The following NRDC variants were observed in gnomAD, a reference collection of about 807,000 sequenced individuals.
NRDC encodes nardilysin convertase.
A neutral mutation model predicts 147.1 loss-of-function variants in NRDC; 54 were observed. The ratio of observed to expected loss-of-function variants is 0.37; its 90% CI spans 0.29 to 0.46. The LOEUF (loss-of-function observed/expected upper bound fraction) is 0.46, where lower values mean the gene tolerates loss of function less well. Ranked by LOEUF, NRDC falls within the 20% of genes least tolerant of loss-of-function variation. The pLI is 1.00. For missense variants in NRDC, 1,082 were observed against 1,370.6 expected (o/e 0.79, Z 3.33); for synonymous variants, 440 against 482.1 (o/e 0.91, Z 1.14).
chr1:51,873,781 G>A (rs1427690670), intron 1 of NRDC, among the ~76,000 whole-genome samples: 1 of 151,748 alleles, frequency 6.6e-6, no homozygotes, highest in Non-Finnish European at 1.5e-5. Flanking sequence ...AAAGTGCTGG[G>A]ATTACAGGCG....
chr1:51,818,275 C>T (rs781244291), intron 9 of NRDC, 140 bp from the exon 10 acceptor site: 74 of 548,134 alleles, frequency 1.4e-4, no homozygotes, highest in South Asian at 5.7e-4. Context: ...TTTCAACTTG[C>T]CAATTTTCCA....
chr1:51,808,710 A>G (rs1245169289), intron 17 of NRDC, among the ~76,000 whole-genome samples: 1 of 152,244 alleles, frequency 6.6e-6, no homozygotes, highest in African/African-American at 2.4e-5. Context: ...AAGCAACTCT[A>G]AAACCTTGGA....
At chr1:51,790,813 C>G (rs1678594299) in intron 28 of NRDC, 87 bp downstream of exon 28, 1 of 1,187,532 alleles carries the variant, frequency 8.4e-7, no homozygotes. Flanking sequence ...CTGCAAAGCT[C>G]AAAAACTGGC....
intron 20 of NRDC, among the ~76,000 whole-genome samples, chr1:51,801,573 T>A (rs996767997): frequency 4.6e-5 from 7 of 152,140 alleles, no homozygotes; most frequent in African/African-American, 9.7e-5. Context: ...TAGTGGTATA[T>A]GAGGTTTTCT....
chr1:51,867,971 G>C (rs1485672433), intron 1 of NRDC, among the ~76,000 whole-genome samples: 2 of 152,204 alleles, frequency 1.3e-5, no homozygotes, highest in South Asian at 4.1e-4. Flanking sequence ...GGATGATCCA[G>C]TAAAAGACAA....
At chr1:51,805,608 A>G (rs1679428052) in intron 18 of NRDC, 47 bp from the exon 19 acceptor site, 1 of 1,144,570 alleles carries the variant, frequency 8.7e-7, no homozygotes, top group Non-Finnish European at 1.3e-6. Flanking sequence ...GGCCTCAGAT[A>G]TTTTATACAT....
At chr1:51,802,473 A>C (rs922725191) in intron 20 of NRDC, among the ~76,000 whole-genome samples, 1 of 152,198 alleles carries the variant, frequency 6.6e-6, no homozygotes, top group African/African-American at 2.4e-5. Flanking sequence ...TAAGCTCTCC[A>C]GGTAATTCTA....
At chr1:51,803,772 T>G in intron 20 of NRDC, 42 bp downstream of exon 20, 1 of 1,529,382 alleles carries the variant, frequency 6.5e-7, no homozygotes, top group South Asian at 1.2e-5. Context: ...AAATATGGTA[T>G]TTTAATGCTC....
intron 22 of NRDC, chr1:51,795,153 G>A (rs911234380): frequency 4.4e-6 from 6 of 1,374,958 alleles, no homozygotes; most frequent in Admixed American, 4.3e-5. Context: ...ACTAGGCTGT[G>A]GCCTTTATGA....
chr1:51,789,864 G>A, intron 29 of NRDC: 6 of 576,078 alleles, frequency 1.0e-5, no homozygotes, highest in Non-Finnish European at 1.9e-5. Context: ...CATCTACAAT[G>A]GCAAGAGAGG....
chr1:51,828,038 T>C (rs1327401952), intron 4 of NRDC, among the ~76,000 whole-genome samples, 169 bp from the exon 5 acceptor site: 1 of 152,248 alleles, frequency 6.6e-6, no homozygotes, highest in African/African-American at 2.4e-5. Flanking sequence ...TACATGTTAC[T>C]TTAACTTTTT....
chr1:51,870,739 A>C (rs1374588459), intron 1 of NRDC, among the ~76,000 whole-genome samples: 2 of 152,104 alleles, frequency 1.3e-5, no homozygotes, highest in African/African-American at 4.8e-5. Flanking sequence ...CTGTCACCTC[A>C]CAACTATCTA....
At chr1:51,808,739 C>T (rs761362217) in intron 17 of NRDC, among the ~76,000 whole-genome samples, 31 of 152,160 alleles carry the variant, frequency 2.0e-4, no homozygotes, top group Non-Finnish European at 3.8e-4. Context: ...TGGTAGCTTT[C>T]AATGATTTTT....
chr1:51,822,988 T>G (rs1680273317), intron 7 of NRDC, among the ~76,000 whole-genome samples: 4 of 152,182 alleles, frequency 2.6e-5, no homozygotes, highest in African/African-American at 9.7e-5. Flanking sequence ...CTATAAGGTA[T>G]GTTAAAAGGA....
intron 15 of NRDC, 59 bp downstream of exon 15, chr1:51,811,935 G>A (rs931677329): frequency 5.6e-5 from 62 of 1,099,304 alleles, no homozygotes; most frequent in Admixed American, 4.3e-4. Context: ...ATACATCTTC[G>A]TACTTTCTCA....
intron 2 of NRDC, among the ~76,000 whole-genome samples, chr1:51,839,130 C>T (rs138732206): frequency 6.7e-4 from 102 of 151,660 alleles, no homozygotes; most frequent in African/African-American, 2.3e-3. Context: ...ACTCTTCCCA[C>T]CTTTAAGGGT....
chr1:51,852,237 G>A (rs1012918364), intron 1 of NRDC, among the ~76,000 whole-genome samples: 4 of 151,824 alleles, frequency 2.6e-5, no homozygotes, highest in African/African-American at 9.7e-5. Flanking sequence ...CCTTGTTGAA[G>A]TCATAACCCT....
intron 4 of NRDC, among the ~76,000 whole-genome samples, chr1:51,831,865 C>T (rs1486378853): frequency 6.6e-6 from 1 of 151,714 alleles, no homozygotes; most frequent in Non-Finnish European, 1.5e-5. Flanking sequence ...AGGCATGAGG[C>T]TGCAGTCAGC....
At chr1:51,859,169 A>C (rs1320859853) in intron 1 of NRDC, among the ~76,000 whole-genome samples, 2 of 152,252 alleles carry the variant, frequency 1.3e-5, no homozygotes, top group African/African-American at 4.8e-5. Flanking sequence ...GAAGAATGAT[A>C]GTCTGAATGG....
Sources: gnomAD v4.1 joint callset for allele counts (sites outside exome capture counted in the v4.1 genomes callset) on GRCh38, gnomAD v4.1.1 for gene constraint, MANE v1.5 for transcripts, NCBI Gene and HGNC (gene_info 2026-07-23, HGNC 2026-07-21) for gene names.